The following SBNO1 variants were observed in gnomAD, a reference collection of about 807,000 sequenced individuals.
The protein encoded by SBNO1 is strawberry notch homolog 1, also known as protein strawberry notch homolog 1.
SBNO1 carries 23 observed loss-of-function variants against 173.6 expected under a neutral mutation model. The ratio of observed to expected loss-of-function variants is 0.13; its 90% confidence interval spans 0.10 to 0.19. The LOEUF (loss-of-function observed/expected upper bound fraction) is 0.19, where lower values mean the gene tolerates loss of function less well. Among genes scored for constraint, SBNO1 ranks in the 10% least tolerant of loss-of-function variants. The pLI is 1.00. For synonymous variants in SBNO1, 632 were observed against 571.5 expected (o/e 1.11, Z -1.51); for missense variants, 1,238 against 1,671.2 (o/e 0.74, Z 4.52).
intron 3 of SBNO1, among the ~76,000 whole-genome samples, chr12:123,347,389 G>C (rs2139063309): frequency 6.6e-6 from 1 of 151,548 alleles, no homozygotes; most frequent in South Asian, 2.1e-4. Context: ...ACCACACCCG[G>C]CTAATTTTTT....
rs1873410701 is a variant in SBNO1 at position 123,347,969 on chromosome 12, G to C, written c.237+60C>G. The C allele has an allele frequency of 1.0e-5, 11 of 1,071,588 alleles. 1 individual carries two copies. In the South Asian group the frequency reaches 1.5e-4, roughly 14 times the overall value. 66.4% of individuals were successfully genotyped at this position (1,071,588 alleles called of 1,614,324 possible). A position where few individuals can be genotyped will look rare whatever the true frequency, so the allele number is the denominator to read the frequency against. On this transcript the variant is annotated intron_variant, in intron 3 of 31. Coordinates refer to ENST00000602398, the MANE Select transcript of SBNO1 (RefSeq NM_001167856.3). ...GGTGCGAATCACCACACCCGGCCAT[G>C]TTTTCTCACTACACTTCTAAACTAT...
chr12:123,315,653 A>G lies in SBNO1; in HGVS notation c.2943T>C (p.Thr981=). 6.2e-7 allele frequency: 1 copy of G among 1,605,062 alleles called. No homozygotes were observed. Among genetic ancestry groups the G allele is most frequent in the Non-Finnish European group, 8.5e-7 (1 of 1,171,986 alleles). ...ADRAIQQFGR[T]HRSNQVTAPE... is the part of the protein sequence containing the mutation. ...GAGCAGTAACTTGGTTTGATCTATG[A>G]GTACGTCCTGCAACGAAATTTTGTT... is the stretch of plus-strand genomic sequence containing the variant. The change falls in exon 22 of 32, where the codon ACT becomes ACC. Residue 981 remains threonine (T), a synonymous_variant. Coordinates refer to ENST00000602398, the MANE Select transcript of SBNO1 (RefSeq NM_001167856.3).
At chr12:123,329,440 A>G (rs1164925687) in intron 9 of SBNO1, among the ~76,000 whole-genome samples, 1 of 151,532 alleles carries the variant, frequency 6.6e-6, no homozygotes, top group Non-Finnish European at 1.5e-5. Context: ...AAAAAAAAAC[A>G]TTAAAAACCA....
Position 123,323,781 on chromosome 12 carries a change from T to C in SBNO1, c.2024A>G (p.Lys675Arg), listed in dbSNP as rs138409912. ...GATTCCTAGTAAACTATAAAGTTTTTTCCTGTCTGGAGCAGGAAAATGTTT... is the reference window on the plus strand; with the variant it reads ...GATTCCTAGTAAACTATAAAGTTTTCTCCTGTCTGGAGCAGGAAAATGTTT... ...IEKHFPAPDR[K>R]KLYSLLGIDL... is the part of the protein sequence containing the mutation. The change falls in exon 16 of 32, where the codon AAA (lysine) becomes AGA (arginine). Residue 675 changes from lysine to arginine, a missense_variant. Lys to Arg is a conservative substitution (Grantham distance 26). Transcript: ENST00000602398. 6.2e-7 allele frequency: 1 copy of C among 1,613,052 alleles called. No individual in the cohort carries two copies. Among genetic ancestry groups the C allele is most frequent in the African/African-American group, 1.3e-5 (1 of 74,864 alleles).
chr12:123,345,690 T>C (rs1873040490), intron 3 of SBNO1, 120 bp from the exon 4 acceptor site: 2 of 874,150 alleles, frequency 2.3e-6, no homozygotes, highest in African/African-American at 1.7e-5. Flanking sequence ...TGCTTTTTTT[T>C]TTTCTTTGAA....
intron 30 of SBNO1, 107 bp from the exon 31 acceptor site, chr12:123,298,278 T>C (rs2048670973): frequency 2.6e-6 from 3 of 1,159,116 alleles, no homozygotes; most frequent in Non-Finnish European, 3.6e-6. Flanking sequence ...TTCTTTTTTT[T>C]TTGTTGAGAT....
chr12:123,322,832 A>AG (rs1270148032), intron 16 of SBNO1, among the ~76,000 whole-genome samples: 2 of 151,134 alleles, frequency 1.3e-5, no homozygotes, highest in Non-Finnish European at 2.9e-5. Context: ...GTGAGCCAAG[A>AG]TGGTACCACT....
At position 123,292,110 on chromosome 12, in the gene SBNO1, A is replaced by G. The variant is rs1401686942; in HGVS notation, c.*3798T>C. On this transcript the variant is annotated 3_prime_UTR_variant, in exon 32 of 32. Coordinates refer to ENST00000602398, the MANE Select transcript of SBNO1 (RefSeq NM_001167856.3). Reference sequence around the variant, plus strand: ...TTCTGCAGCAAAGTGGGCCGAGCGCAGTACGCACAGGTGTGGTGTTAGCCA... The same window carrying G: ...TTCTGCAGCAAAGTGGGCCGAGCGCGGTACGCACAGGTGTGGTGTTAGCCA... The G allele has an allele frequency of 1.3e-5, 2 of 151,814 alleles. No individual in the cohort carries two copies. Among genetic ancestry groups the G allele is most frequent in the East Asian group, 3.9e-4 (2 of 5,158 alleles). The allele number at this position is 151,814 out of a possible 1,614,324, so 9.4% of individuals were successfully genotyped here. A position where few individuals can be genotyped will look rare whatever the true frequency, so the allele number is the denominator to read the frequency against.
At chr12:123,312,774 G>A (rs1339639910) in intron 24 of SBNO1, among the ~76,000 whole-genome samples, 1 of 151,514 alleles carries the variant, frequency 6.6e-6, no homozygotes. Flanking sequence ...TGAGCCACAT[G>A]TATCCATCAC....
chr12:123,323,913 T>C, intron 15 of SBNO1, 82 bp from the exon 16 acceptor site: 1 of 1,077,684 alleles, frequency 9.3e-7, no homozygotes, highest in Non-Finnish European at 1.3e-6. Context: ...TATTGAAATA[T>C]ACTTTGTTCA....
intron 1 of SBNO1, among the ~76,000 whole-genome samples, chr12:123,356,704 A>C (rs916465754): frequency 6.6e-6 from 1 of 152,212 alleles, no homozygotes; most frequent in Non-Finnish European, 1.5e-5. Context: ...TCGGCCTCCC[A>C]CAGTGTTGGG....
chr12:123,321,655 T>C lies in SBNO1; in HGVS notation c.2203A>G (p.Ser735Gly), dbSNP rs771319880. The change falls in exon 17 of 32, where the codon AGT (serine) becomes GGT (glycine). Residue 735 changes from serine to glycine, a missense_variant. Physicochemically the swap from Ser to Gly is moderately conservative, Grantham distance 56. This residue lies in a region of SBNO1 where 81 missense variants were observed against 82.6 expected (regional missense o/e 0.98). Coordinates refer to ENST00000602398, the MANE Select transcript of SBNO1 (RefSeq NM_001167856.3). ...TCATTATCAGAGGCATCAGATTCAC[T>C]TCCACTGTCGTCAGAACTGCTACCA... ...LTGSSSDDSG[S>G]ESDASDNEES... 2.5e-6 allele frequency: 4 copies of C among 1,614,046 alleles called. No individual in the cohort carries two copies. The highest frequency in any genetic ancestry group is 1.1e-5 in the South Asian group (1 of 91,080).
intron 25 of SBNO1, among the ~76,000 whole-genome samples, chr12:123,310,528 G>T (rs897099919): frequency 7.4e-6 from 1 of 135,286 alleles, no homozygotes; most frequent in African/African-American, 2.8e-5. Flanking sequence ...CACCGCGCCC[G>T]ACCAATTTTT....
intron 1 of SBNO1, among the ~76,000 whole-genome samples, chr12:123,360,381 C>T (rs779382260): frequency 6.6e-6 from 1 of 152,194 alleles, no homozygotes; most frequent in Non-Finnish European, 1.5e-5. Flanking sequence ...TGGCAAGTCA[C>T]AAATCGAAGC....
chr12:123,362,742 C>G (rs912148671), intron 1 of SBNO1, among the ~76,000 whole-genome samples: 17 of 135,372 alleles, frequency 1.3e-4, no homozygotes, highest in Non-Finnish European at 2.4e-4. Context: ...ACACTCCAGC[C>G]TGGGCAACAC....
At chr12:123,336,331 AAAAG>A in intron 6 of SBNO1, 60 bp downstream of exon 6, 2 of 1,079,100 alleles carry the variant, frequency 1.9e-6, no homozygotes, top group South Asian at 2.8e-5. Context: ...AAACAAAACA[AAAAG>A]AACCAAAGAA....
chr12:123,315,496 A>G, intron 22 of SBNO1, 52 bp from the exon 23 acceptor site: 1 of 1,586,100 alleles, frequency 6.3e-7, no homozygotes, highest in African/African-American at 1.3e-5. Flanking sequence ...TTACCAGAAA[A>G]CAGGTACAAT....
At chr12:123,321,809 G>C in intron 16 of SBNO1, 77 bp from the exon 17 acceptor site, 1 of 1,179,586 alleles carries the variant, frequency 8.5e-7, no homozygotes, top group Non-Finnish European at 1.2e-6. Context: ...TTTAGTTCAT[G>C]AATTAATTCA....
At chr12:123,355,591 G>A (rs546936300) in intron 1 of SBNO1, among the ~76,000 whole-genome samples, 6 of 151,926 alleles carry the variant, frequency 3.9e-5, no homozygotes, top group South Asian at 2.1e-4. Flanking sequence ...GCGACAGACC[G>A]AGACTCCATC....
Sources: gnomAD v4.1 joint callset for allele counts (sites outside exome capture counted in the v4.1 genomes callset) on GRCh38, gnomAD v4.1.1 for gene constraint, gnomAD v4.1.1 regional missense constraint, MANE v1.5 for transcripts, NCBI Gene and HGNC (gene_info 2026-07-23, HGNC 2026-07-21) for gene names.